Variants in TMEM117 observed in about 807,000 individuals in gnomAD.
TMEM117 encodes the protein transmembrane protein 117.
Under a neutral mutation model 52.4 loss-of-function variants are expected in TMEM117, and 27 were observed. The observed-to-expected ratio is 0.51, with a 90% CI of 0.38 to 0.71. The LOEUF is 0.71. Ranked by LOEUF, TMEM117 falls within the 30% of genes least tolerant of loss-of-function variation. The pLI is 0.00. For missense variants in TMEM117, 556 were observed against 630.5 expected (o/e 0.88, Z 1.26); for synonymous variants, 215 against 206.3 (o/e 1.04, Z -0.36).
the TMEM117 span, among the ~76,000 whole-genome samples, chr12:43,828,580 G>A: frequency 6.6e-6 from 1 of 152,154 alleles, no homozygotes; most frequent in Non-Finnish European, 1.5e-5. Context: ...TATAACCCTT[G>A]TCATGAAACA....
At chr12:43,877,254 T>C (rs1943813524) in intron 2 of TMEM117, among the ~76,000 whole-genome samples, 1 of 152,226 alleles carries the variant, frequency 6.6e-6, no homozygotes, top group Non-Finnish European at 1.5e-5. Flanking sequence ...CTATGAACTT[T>C]GATCTTCAAT....
intron 6 of TMEM117, among the ~76,000 whole-genome samples, chr12:44,318,071 G>A (rs2138691392): frequency 6.6e-6 from 1 of 152,316 alleles, no homozygotes; most frequent in African/African-American, 2.4e-5. Context: ...ATCCAGTAGA[G>A]TGGATGCACC....
chr12:44,346,530 C>T (rs1253587254), intron 6 of TMEM117, among the ~76,000 whole-genome samples: 2 of 152,074 alleles, frequency 1.3e-5, no homozygotes, highest in African/African-American at 4.8e-5. Context: ...TTTTCCTTTT[C>T]CCAATAGGAA....
chr12:44,016,258 C>A (rs1011992989), intron 3 of TMEM117, among the ~76,000 whole-genome samples: 3 of 152,154 alleles, frequency 2.0e-5, no homozygotes, highest in African/African-American at 7.2e-5. Flanking sequence ...TTAAAGGCAT[C>A]CAGATATCCA....
Position 43,977,238 on chromosome 12 carries a change from T to C in TMEM117, c.410+32896T>C, listed in dbSNP as rs1945685567. On this transcript the variant is annotated intron_variant, in intron 3 of 7. Coordinates refer to ENST00000266534, the MANE Select transcript of TMEM117 (RefSeq NM_032256.3). ...CTGGAGCAGGATTCACTCAGCCTCC[T>C]GAGTTGTCTTCTTCAGCATTTCCTA... Among the ~76,000 whole-genome samples the C allele has an allele frequency of 1.3e-5, 2 of 152,292 alleles. 1 individual carries two copies. Among genetic ancestry groups the C allele is most frequent in the Middle Eastern group, 6.8e-3 (2 of 294 alleles).
chr12:43,998,011 G>A (rs954787420), intron 3 of TMEM117, among the ~76,000 whole-genome samples: 1 of 152,192 alleles, frequency 6.6e-6, no homozygotes, highest in African/African-American at 2.4e-5. Context: ...ATAGGGAGAG[G>A]GAGATAAACA....
At chr12:44,015,270 T>G (rs1946356704) in intron 3 of TMEM117, among the ~76,000 whole-genome samples, 1 of 152,184 alleles carries the variant, frequency 6.6e-6, no homozygotes, top group Non-Finnish European at 1.5e-5. Context: ...ATTGATATTC[T>G]TAACTGAAAA....
the TMEM117 span, among the ~76,000 whole-genome samples, chr12:43,814,747 T>C: frequency 2.0e-5 from 3 of 149,250 alleles, no homozygotes; most frequent in Non-Finnish European, 3.0e-5. Context: ...TCTTTTTTTT[T>C]TTTTTTTTTT....
At chr12:44,017,275 G>T (rs1030057522) in intron 3 of TMEM117, among the ~76,000 whole-genome samples, 3 of 132,134 alleles carry the variant, frequency 2.3e-5, no homozygotes, top group Non-Finnish European at 4.8e-5. Context: ...ATAATTGAAA[G>T]TAAAGGTTGG....
chr12:43,927,831 A>T (rs537104171), intron 2 of TMEM117, among the ~76,000 whole-genome samples: 1 of 152,124 alleles, frequency 6.6e-6, no homozygotes, highest in South Asian at 2.1e-4. Context: ...ACATCTTTGG[A>T]TTTGTTTTGC....
At chr12:44,037,867 G>C (rs1167680282) in intron 3 of TMEM117, among the ~76,000 whole-genome samples, 2 of 151,640 alleles carry the variant, frequency 1.3e-5, no homozygotes, top group Non-Finnish European at 2.9e-5. Flanking sequence ...GCTGAGAGAG[G>C]AGCACTCCAG....
intron 5 of TMEM117, among the ~76,000 whole-genome samples, chr12:44,260,660 T>G (rs1050205061): frequency 6.6e-6 from 1 of 152,216 alleles, no homozygotes; most frequent in African/African-American, 2.4e-5. Flanking sequence ...TGCCCCAGCA[T>G]GTACTTCAGA....
chr12:44,166,122 A>G (rs997486017), intron 4 of TMEM117, among the ~76,000 whole-genome samples: 14 of 152,218 alleles, frequency 9.2e-5, no homozygotes, highest in African/African-American at 3.4e-4. Flanking sequence ...CTGAATGACC[A>G]TTGAGTTGAA....
chr12:44,014,112 G>A (rs772666047), intron 3 of TMEM117, among the ~76,000 whole-genome samples: 7 of 152,138 alleles, frequency 4.6e-5, no homozygotes, highest in South Asian at 2.1e-4. Flanking sequence ...GTGGGAAGCC[G>A]TATTCAGAAG....
chr12:43,988,581 G>C (rs7311269), intron 3 of TMEM117, among the ~76,000 whole-genome samples: 145,145 of 152,094 alleles, frequency 0.95, 69,519 homozygotes, highest in East Asian at 1. Context: ...AGAACAGCAT[G>C]AAGTATTTCA....
chr12:44,152,347 T>G (rs1217682316), intron 4 of TMEM117, among the ~76,000 whole-genome samples: 1 of 110,720 alleles, frequency 9.0e-6, no homozygotes, highest in Non-Finnish European at 1.6e-5. Flanking sequence ...TATATAAATT[T>G]ATATATTTAT....
intron 6 of TMEM117, among the ~76,000 whole-genome samples, chr12:44,317,890 G>C (rs754504340): frequency 6.6e-6 from 1 of 152,222 alleles, no homozygotes; most frequent in Non-Finnish European, 1.5e-5. Flanking sequence ...GGAACCAAGA[G>C]AGTAGGGCCT....
At chr12:43,946,388 T>TC (rs1592384113) in intron 3 of TMEM117, among the ~76,000 whole-genome samples, 1 of 22,320 alleles carries the variant, frequency 4.5e-5, no homozygotes, top group East Asian at 1.6e-3. Flanking sequence ...GTTTTTTTTT[T>TC]TTTTTTGTTT....
chr12:43,824,896 A>G, the TMEM117 span, among the ~76,000 whole-genome samples: 1 of 152,206 alleles, frequency 6.6e-6, no homozygotes, highest in Admixed American at 6.5e-5. Flanking sequence ...ACTACACTCC[A>G]GCACCCCAGC....
Sources: allele counts gnomAD v4.1 joint callset (sites outside exome capture counted in the v4.1 genomes callset), GRCh38; gene constraint gnomAD v4.1.1; transcripts MANE v1.5; gene names NCBI Gene and HGNC (gene_info 2026-07-23, HGNC 2026-07-21).